KCNJ3: variants seen among roughly 807,000 people sequenced by gnomAD.
KCNJ3 encodes the protein potassium inwardly rectifying channel subfamily J member 3.
In KCNJ3, 4 loss-of-function variants were observed where a neutral mutation model predicts 39.2. The observed-to-expected ratio is 0.10, with a 90% CI of 0.05 to 0.23. KCNJ3 has a LOEUF of 0.23. Ranked by LOEUF, KCNJ3 falls within the 10% of genes least tolerant of loss-of-function variation. The pLI is 1.00. For synonymous variants in KCNJ3, 230 were observed against 237.4 expected, an observed-to-expected ratio of 0.97 and a Z score of 0.29; for missense variants, 276 against 634.9, an observed-to-expected ratio of 0.43 and a Z score of 6.08.
chr2:154,854,707 A>C lies in KCNJ3; in HGVS notation c.920-20A>C, dbSNP rs1687809257. On this transcript the variant is annotated intron_variant, in intron 2 of 2. Transcript: ENST00000295101. ...CTTCCACTATGCATAATTTATCAAG[A>C]ATTTTCTCTTTTCTTGTAGGGATGA... 1 of 1,576,810 alleles carries C rather than the reference A, an allele frequency of 6.3e-7. No individual in the cohort carries two copies. The highest frequency in any genetic ancestry group is 1.4e-5 in the African/African-American group (1 of 73,778).
intron 2 of KCNJ3, among the ~76,000 whole-genome samples, chr2:154,738,765 T>C (rs562243864): frequency 1.3e-5 from 2 of 152,206 alleles, no homozygotes; most frequent in Non-Finnish European, 2.9e-5. Context: ...GCTAGACTGC[T>C]GTAAACAGCA....
At chr2:154,790,457 G>C (rs1475415046) in intron 2 of KCNJ3, among the ~76,000 whole-genome samples, 1 of 151,948 alleles carries the variant, frequency 6.6e-6, no homozygotes, top group African/African-American at 2.4e-5. Context: ...TTCTGAATCT[G>C]ATGCCCTTGA....
At chr2:154,810,109 G>A (rs1384926256) in intron 2 of KCNJ3, among the ~76,000 whole-genome samples, 1 of 151,754 alleles carries the variant, frequency 6.6e-6, no homozygotes, top group Non-Finnish European at 1.5e-5. Context: ...TTAGAGAAAG[G>A]ATCTCTCTCT....
chr2:154,763,505 G>C (rs185205293), intron 2 of KCNJ3, among the ~76,000 whole-genome samples: 23 of 152,010 alleles, frequency 1.5e-4, no homozygotes, highest in African/African-American at 5.3e-4. Context: ...CATCTATTCC[G>C]GGGACACAGA....
At chr2:154,807,184 G>T (rs1300317572) in intron 2 of KCNJ3, among the ~76,000 whole-genome samples, 7 of 152,158 alleles carry the variant, frequency 4.6e-5, no homozygotes, top group Admixed American at 4.6e-4. Flanking sequence ...TTTCCAGAGA[G>T]ATTTCCACAT....
At chr2:154,831,908 A>G (rs1675263761) in intron 2 of KCNJ3, among the ~76,000 whole-genome samples, 1 of 152,160 alleles carries the variant, frequency 6.6e-6, no homozygotes, top group Admixed American at 6.5e-5. Context: ...GTTGTACAAG[A>G]AGCATTTGCT....
At chr2:154,822,211 A>G (rs990565022) in intron 2 of KCNJ3, among the ~76,000 whole-genome samples, 3 of 152,166 alleles carry the variant, frequency 2.0e-5, no homozygotes, top group African/African-American at 7.2e-5. Flanking sequence ...AGGTTTGCAA[A>G]TATCTGAGGT....
intron 2 of KCNJ3, among the ~76,000 whole-genome samples, chr2:154,736,670 AAAAC>A (rs1025081245): frequency 1.3e-5 from 2 of 152,158 alleles, no homozygotes; most frequent in South Asian, 2.1e-4. Flanking sequence ...ATATGAAAGA[AAAAC>A]AAATCCAAAA....
chr2:154,751,477 G>A (rs1176090587), intron 2 of KCNJ3, among the ~76,000 whole-genome samples: 1 of 151,790 alleles, frequency 6.6e-6, no homozygotes, highest in Non-Finnish European at 1.5e-5. Flanking sequence ...TTGCTTTATA[G>A]ACACAGGATA....
chr2:154,755,827 T>C (rs1685927617), intron 2 of KCNJ3, among the ~76,000 whole-genome samples: 1 of 152,078 alleles, frequency 6.6e-6, no homozygotes, highest in Non-Finnish European at 1.5e-5. Flanking sequence ...GTGGGAAATT[T>C]AGATTTGGTT....
intron 1 of KCNJ3, among the ~76,000 whole-genome samples, chr2:154,704,354 G>A (rs968631099): frequency 6.6e-6 from 1 of 152,052 alleles, no homozygotes; most frequent in Non-Finnish European, 1.5e-5. Flanking sequence ...TGTGCAAGTA[G>A]GGTTACGAAG....
intron 2 of KCNJ3, among the ~76,000 whole-genome samples, chr2:154,711,028 A>G (rs1243294254): frequency 6.6e-6 from 1 of 152,232 alleles, no homozygotes; most frequent in East Asian, 1.9e-4. Flanking sequence ...AAACTGAAGC[A>G]CTATTATTAG....
At chr2:154,787,221 A>G (rs968377971) in intron 2 of KCNJ3, among the ~76,000 whole-genome samples, 8 of 152,174 alleles carry the variant, frequency 5.3e-5, no homozygotes, top group Admixed American at 2.0e-4. Context: ...AACACTTAGT[A>G]TTATTGACAT....
At chr2:154,726,642 GA>G (rs1685361924) in intron 2 of KCNJ3, among the ~76,000 whole-genome samples, 1 of 151,802 alleles carries the variant, frequency 6.6e-6, no homozygotes, top group Non-Finnish European at 1.5e-5. Context: ...GTCATTATAA[GA>G]AAAAGATATT....
chr2:154,728,968 T>C (rs1382402779), intron 2 of KCNJ3, among the ~76,000 whole-genome samples: 1 of 152,128 alleles, frequency 6.6e-6, no homozygotes, highest in Non-Finnish European at 1.5e-5. Flanking sequence ...ATCCAGTAAA[T>C]ATTAGTAATT....
intron 2 of KCNJ3, among the ~76,000 whole-genome samples, chr2:154,799,268 T>C (rs1431103337): frequency 6.6e-6 from 1 of 152,110 alleles, no homozygotes; most frequent in Non-Finnish European, 1.5e-5. Flanking sequence ...GTAGCTGGGA[T>C]AGCTGGGGTT....
At chr2:154,753,560 G>A (rs1011863622) in intron 2 of KCNJ3, among the ~76,000 whole-genome samples, 3 of 151,970 alleles carry the variant, frequency 2.0e-5, no homozygotes, top group Admixed American at 6.6e-5. Context: ...TTTATGTTAC[G>A]ATTTCGGATC....
intron 2 of KCNJ3, among the ~76,000 whole-genome samples, chr2:154,738,019 A>G (rs1170548540): frequency 3.3e-5 from 5 of 152,132 alleles, no homozygotes; most frequent in African/African-American, 1.2e-4. Flanking sequence ...TATGTACCAC[A>G]TTTTCTTTAT....
intron 2 of KCNJ3, among the ~76,000 whole-genome samples, chr2:154,803,529 G>A (rs1686858144): frequency 6.7e-6 from 1 of 149,562 alleles, no homozygotes; most frequent in South Asian, 2.1e-4. Context: ...AAAGAATAAA[G>A]GTTGATAAAT....
Sources: gnomAD v4.1 joint callset for allele counts (sites outside exome capture counted in the v4.1 genomes callset) on GRCh38, gnomAD v4.1.1 for gene constraint, MANE v1.5 for transcripts, NCBI Gene and HGNC (gene_info 2026-07-23, HGNC 2026-07-21) for gene names.